SLC35D4: variants seen among roughly 807,000 people sequenced by gnomAD.
SLC35D4 encodes the protein UDP-N-acetylglucosamine transporter SLC35D4.
chr18:23,392,087 G>A, the SLC35D4 span, among the ~76,000 whole-genome samples: 24 of 151,910 alleles, frequency 1.6e-4, no homozygotes, highest in Middle Eastern at 3.4e-3. Context: ...ACAGGCACAC[G>A]CCACCATACC....
At chr18:23,368,824 T>C in the SLC35D4 span, 1 of 959,514 alleles carries the variant, frequency 1.0e-6, no homozygotes. Flanking sequence ...AATCATTGTC[T>C]TCTACTAATA....
At chr18:23,263,565 C>T in the SLC35D4 span, among the ~76,000 whole-genome samples, 9 of 152,238 alleles carry the variant, frequency 5.9e-5, no homozygotes, top group Non-Finnish European at 1.3e-4. Flanking sequence ...GTGTTCACGT[C>T]CACCAACATT....
the SLC35D4 span, among the ~76,000 whole-genome samples, chr18:23,241,361 T>C: frequency 6.6e-6 from 1 of 152,018 alleles, no homozygotes; most frequent in Non-Finnish European, 1.5e-5. Context: ...TGAAACTCTG[T>C]CTCTACTAAA....
chr18:23,300,742 C>A, the SLC35D4 span, among the ~76,000 whole-genome samples: 467 of 152,330 alleles, frequency 3.1e-3, 1 homozygote, highest in Admixed American at 6.0e-3. Context: ...ATCTTGTAAT[C>A]CCCATCATTC....
the SLC35D4 span, among the ~76,000 whole-genome samples, chr18:23,250,688 G>A: frequency 1.3e-5 from 2 of 152,332 alleles, no homozygotes; most frequent in African/African-American, 2.4e-5. Context: ...TGCAGGGCAT[G>A]TGGTTAGCCG....
chr18:23,411,210 G>C, the SLC35D4 span, among the ~76,000 whole-genome samples: 853 of 131,182 alleles, frequency 6.5e-3, 8 homozygotes, highest in African/African-American at 0.023. Context: ...AGGAAGGAAA[G>C]AAAGAGAGGG....
the SLC35D4 span, chr18:23,373,902 C>T: frequency 1.3e-6 from 1 of 749,722 alleles, no homozygotes; most frequent in Non-Finnish European, 2.1e-6. Context: ...CTCTGTCCTT[C>T]CTCTGTGAAC....
chr18:23,435,203 T>C, the SLC35D4 span, among the ~76,000 whole-genome samples: 1 of 150,854 alleles, frequency 6.6e-6, no homozygotes, highest in Non-Finnish European at 1.5e-5. Flanking sequence ...AAAATGTACA[T>C]CCAAAGAGGG....
chr18:23,350,743 C>T, the SLC35D4 span, among the ~76,000 whole-genome samples: 2 of 152,044 alleles, frequency 1.3e-5, no homozygotes, highest in Non-Finnish European at 2.9e-5. Context: ...ACAGACAATC[C>T]TCCAAACAGA....
chr18:23,253,682 ACT>A, the SLC35D4 span: 4 of 1,529,290 alleles, frequency 2.6e-6, no homozygotes, highest in African/African-American at 5.5e-5. Context: ...GTCCACTGAA[ACT>A]CTAAGTTTTC....
chr18:23,340,965 T>C, the SLC35D4 span, among the ~76,000 whole-genome samples: 2 of 152,258 alleles, frequency 1.3e-5, no homozygotes, highest in Non-Finnish European at 2.9e-5. Context: ...AGAATTCTCA[T>C]GTGAGGATTG....
chr18:23,285,793 T>C, the SLC35D4 span, among the ~76,000 whole-genome samples: 6 of 152,182 alleles, frequency 3.9e-5, no homozygotes, highest in African/African-American at 1.4e-4. Context: ...TCACACCGGG[T>C]CCGGCTTACG....
At chr18:23,284,743 T>A in the SLC35D4 span, among the ~76,000 whole-genome samples, 1 of 152,240 alleles carries the variant, frequency 6.6e-6, no homozygotes, top group East Asian at 1.9e-4. Context: ...TGGCAAATGT[T>A]ATTTCCCGTC....
the SLC35D4 span, among the ~76,000 whole-genome samples, chr18:23,426,674 G>T: frequency 6.6e-6 from 1 of 152,120 alleles, no homozygotes; most frequent in East Asian, 1.9e-4. Flanking sequence ...CTACTTTAAA[G>T]TTCATATGGA....
the SLC35D4 span, among the ~76,000 whole-genome samples, chr18:23,353,982 C>A: frequency 6.6e-6 from 1 of 152,206 alleles, no homozygotes; most frequent in South Asian, 2.1e-4. Flanking sequence ...GGCACAGGTA[C>A]AATTAGAATC....
chr18:23,377,373 G>A, the SLC35D4 span, among the ~76,000 whole-genome samples: 1 of 152,100 alleles, frequency 6.6e-6, no homozygotes, highest in African/African-American at 2.4e-5. Flanking sequence ...TTCTCCATCA[G>A]TATTACACAA....
At chr18:23,272,905 C>T in the SLC35D4 span, among the ~76,000 whole-genome samples, 1 of 152,226 alleles carries the variant, frequency 6.6e-6, no homozygotes, top group Admixed American at 6.5e-5. Context: ...GATGGTTACC[C>T]AGTCCTACAT....
At chr18:23,394,968 A>G in the SLC35D4 span, among the ~76,000 whole-genome samples, 1 of 138,212 alleles carries the variant, frequency 7.2e-6, no homozygotes, top group Admixed American at 7.5e-5. Flanking sequence ...GGGCAACAAA[A>G]GCGAAACTCC....
chr18:23,408,347 G>A, the SLC35D4 span, among the ~76,000 whole-genome samples: 1 of 152,228 alleles, frequency 6.6e-6, no homozygotes. Flanking sequence ...CAAGAACAAT[G>A]CCTGGCATAT....
Sources: allele counts gnomAD v4.1 joint callset (sites outside exome capture counted in the v4.1 genomes callset), GRCh38; gene constraint gnomAD v4.1.1; transcripts MANE v1.5; gene names NCBI Gene and HGNC (gene_info 2026-07-23, HGNC 2026-07-21).